EFCAB13: variants seen among roughly 807,000 people sequenced by gnomAD.
EFCAB13 encodes EF-hand calcium binding domain 13, also known as EF-hand calcium-binding domain-containing protein 13.
EFCAB13 carries 91 observed loss-of-function variants against 110.2 expected under a neutral mutation model. The ratio of observed to expected loss-of-function variants is 0.83; its 90% CI spans 0.70 to 0.98. The LOEUF is 0.98. Ranked by LOEUF, EFCAB13 falls within the 50% of genes least tolerant of loss-of-function variation. The probability of loss-of-function intolerance (pLI) is 0.00; values close to 1 mark genes in which losing one functional copy is unlikely to be tolerated. For missense variants in EFCAB13, 968 were observed against 1,119.4 expected (o/e 0.86, Z 1.93); for synonymous variants, 323 against 369.9 (o/e 0.87, Z 1.45).
At chr17:47,349,558 G>T (rs887794949) in intron 9 of EFCAB13, among the ~76,000 whole-genome samples, 1 of 151,912 alleles carries the variant, frequency 6.6e-6, no homozygotes, top group Non-Finnish European at 1.5e-5. Flanking sequence ...AATGTCGACT[G>T]CTCTGTGTAT....
intron 14 of EFCAB13, among the ~76,000 whole-genome samples, chr17:47,379,513 C>T (rs1281663640): frequency 6.6e-6 from 1 of 150,442 alleles, no homozygotes; most frequent in Non-Finnish European, 1.5e-5. Context: ...ATGCGGAGAT[C>T]AAATAGGTAA....
chr17:47,331,429 T>A (rs978097340), intron 4 of EFCAB13, among the ~76,000 whole-genome samples: 5 of 152,038 alleles, frequency 3.3e-5, no homozygotes, highest in Non-Finnish European at 5.9e-5. Flanking sequence ...GACTTTTTTT[T>A]AGAGCAGTTT....
intron 5 of EFCAB13, among the ~76,000 whole-genome samples, chr17:47,337,104 TG>T (rs2143241099): frequency 6.6e-6 from 1 of 152,352 alleles, no homozygotes; most frequent in East Asian, 1.9e-4. Context: ...TGGCAAAAGA[TG>T]AAGCAATTAT....
intron 9 of EFCAB13, among the ~76,000 whole-genome samples, chr17:47,351,305 G>GTGTGTGTGTGTGTGCGCGCGCA (rs748940130): frequency 1.8e-5 from 2 of 113,176 alleles, no homozygotes; most frequent in Non-Finnish European, 3.8e-5. Flanking sequence ...GTGTGTGTGT[G>GTGTGTGTGTGTGTGCGCGCGCA]CGCGCGCGCG....
intron 5 of EFCAB13, among the ~76,000 whole-genome samples, chr17:47,338,994 T>A (rs1033902874): frequency 2.0e-5 from 3 of 152,064 alleles, no homozygotes; most frequent in Non-Finnish European, 4.4e-5. Flanking sequence ...TCTATCAATT[T>A]AAAATAAAAT....
At chr17:47,429,577 T>C (rs1202904348) in intron 23 of EFCAB13, among the ~76,000 whole-genome samples, 1 of 152,236 alleles carries the variant, frequency 6.6e-6, no homozygotes, top group African/African-American at 2.4e-5. Context: ...GGGATTATTA[T>C]AAAGACATTT....
rs1308020414 is a variant in EFCAB13, at chr17:47,440,825, G to A, written c.*111G>A. 4.2e-6 allele frequency: 4 copies of A among 943,698 alleles called. No individual in the cohort carries two copies. The East Asian group carries it at 8.6e-5, about 20-fold the overall frequency. The allele number at this position is 943,698 out of a possible 1,614,324, so 58.5% of individuals were successfully genotyped here. On this transcript the variant is annotated 3_prime_UTR_variant, in exon 25 of 25. Transcript: ENST00000331493. ...ATTTTTAAAACTTTTGACAAATCCA[G>A]TAGAATTTTTATCACTATCTGTTAT... is the stretch of plus-strand genomic sequence containing the variant.
chr17:47,403,722 G>A (rs922251968), intron 18 of EFCAB13, among the ~76,000 whole-genome samples, 156 bp from the exon 19 acceptor site: 1 of 152,154 alleles, frequency 6.6e-6, no homozygotes, highest in African/African-American at 2.4e-5. Flanking sequence ...TTTGCACATT[G>A]TGCTGCTGGC....
chr17:47,428,611 G>T (rs1432552972), intron 23 of EFCAB13, among the ~76,000 whole-genome samples: 1 of 152,056 alleles, frequency 6.6e-6, no homozygotes. Context: ...TACAACAAAG[G>T]TACCACTGCA....
chr17:47,439,452 C>T (rs992651364), intron 24 of EFCAB13, among the ~76,000 whole-genome samples: 3 of 152,078 alleles, frequency 2.0e-5, no homozygotes, highest in Non-Finnish European at 4.4e-5. Context: ...GCTGAGATTA[C>T]AGGCATGAGC....
At position 47,344,251 on chromosome 17, in the gene EFCAB13, C is replaced by T; in HGVS notation, c.393C>T (p.His131=). ...LCKLPNQYSV[H]KTSSPLCTSS... is the part of the protein sequence containing the mutation. ...AGTTGCCGAATCAGTACAGCGTTCA[C>T]AAGACTTCATCACCTCTTTGTACAT... The change falls in exon 7 of 25, where the codon CAC becomes CAT. Residue 131 remains histidine, a synonymous_variant. Transcript: ENST00000331493. 6.2e-7 allele frequency: 1 copy of T among 1,612,970 alleles called. No individual in the cohort carries two copies. Among genetic ancestry groups the T allele is most frequent in the Non-Finnish European group, 8.5e-7 (1 of 1,179,162 alleles).
chr17:47,363,905 G>A (rs1458655847), intron 10 of EFCAB13, among the ~76,000 whole-genome samples: 1 of 152,028 alleles, frequency 6.6e-6, no homozygotes, highest in Non-Finnish European at 1.5e-5. Context: ...ATGAGTGGAA[G>A]GATATGATGG....
In EFCAB13 at chr17:47,374,568, T is replaced by C; in HGVS notation, c.974T>C (p.Leu325Ser). ...CTAAAATATAAGAAGAAAAATAGTT[T>C]GTCTTCCAAACTCCCTGAACCTTCA... is the stretch of plus-strand genomic sequence containing the variant. ...CYLKYKKKNSLSSKLPEPSIS... is the reference protein window; with the variant it reads ...CYLKYKKKNSSSSKLPEPSIS... Residue 325 changes from leucine to serine, a missense_variant, in exon 12 of 25, where the codon TTG (leucine) becomes TCG (serine). Coordinates refer to ENST00000331493, the MANE Select transcript of EFCAB13 (RefSeq NM_152347.5). 6.3e-7 allele frequency: 1 copy of C among 1,593,614 alleles called. No individual in the cohort carries two copies. Among genetic ancestry groups the C allele is most frequent in the Non-Finnish European group, 8.5e-7 (1 of 1,174,980 alleles).
chr17:47,402,305 C>T (rs2065783414), intron 18 of EFCAB13, 102 bp downstream of exon 18: 1 of 1,061,772 alleles, frequency 9.4e-7, no homozygotes, highest in Admixed American at 2.1e-5. Context: ...TTCTGGTTAA[C>T]ATGTTGGCAT....
chr17:47,341,576 G>A (rs150035502), intron 5 of EFCAB13: 322 of 159,490 alleles, frequency 2.0e-3, no homozygotes, highest in African/African-American at 7.1e-3. Context: ...TGCCAGGCTC[G>A]TCTTGAACTT....
At chr17:47,423,084 G>C (rs1304357869) in intron 23 of EFCAB13, among the ~76,000 whole-genome samples, 1 of 152,162 alleles carries the variant, frequency 6.6e-6, no homozygotes, top group Non-Finnish European at 1.5e-5. Flanking sequence ...TTATTAAAAA[G>C]TTAATCTTGG....
In EFCAB13 at chr17:47,412,886, A is replaced by G. The variant is rs1416132998; in HGVS notation, c.2392A>G (p.Asn798Asp). ...TGTTAATTTAACTGAGGAGGACTTC[A>G]ATGAAGCCCTTAACTGTTGTAACGT... ...LNVNLTEEDF[N>D]EALNCCNVSD... is the part of the protein sequence containing the mutation. The change falls in exon 22 of 25, where the codon AAT becomes GAT. Residue 798 changes from asparagine (N) to aspartate (D), a missense_variant. Physicochemically the swap from Asn to Asp is conservative, Grantham distance 23. Coordinates refer to ENST00000331493, the MANE Select transcript of EFCAB13 (RefSeq NM_152347.5). 1 of 1,613,794 alleles carries G rather than the reference A, an allele frequency of 6.2e-7. No individual in the cohort carries two copies.
At chr17:47,384,879 C>T (rs754873495) in intron 14 of EFCAB13, among the ~76,000 whole-genome samples, 6 of 152,092 alleles carry the variant, frequency 3.9e-5, no homozygotes, top group Non-Finnish European at 7.4e-5. Context: ...ACGCCATTCT[C>T]CTGCCTCAGC....
intron 21 of EFCAB13, among the ~76,000 whole-genome samples, chr17:47,411,200 ATT>A (rs1368063791): frequency 2.0e-5 from 3 of 152,164 alleles, no homozygotes; most frequent in East Asian, 3.8e-4. Flanking sequence ...GACTGAATAG[ATT>A]TGTCTTCTTA....
Sources: allele counts gnomAD v4.1 joint callset (sites outside exome capture counted in the v4.1 genomes callset), GRCh38; gene constraint gnomAD v4.1.1; transcripts MANE v1.5; gene names NCBI Gene and HGNC (gene_info 2026-07-23, HGNC 2026-07-21).